The following USP53 variants were observed in gnomAD, a reference collection of about 807,000 sequenced individuals.
USP53 encodes the protein ubiquitin specific peptidase 53.
In USP53, 71 loss-of-function variants were observed where a neutral mutation model predicts 94.9. The observed-to-expected ratio is 0.75, with a 90% CI of 0.62 to 0.91. The LOEUF is 0.91. Among genes scored for constraint, USP53 ranks in the 40% least tolerant of loss-of-function variants. USP53 has a pLI of 0.00. For missense variants in USP53, 1,173 were observed against 1,281.0 expected, an observed-to-expected ratio of 0.92 and a Z score of 1.29; for synonymous variants, 375 against 422.7, an observed-to-expected ratio of 0.89 and a Z score of 1.39.
intron 17 of USP53, among the ~76,000 whole-genome samples, chr4:119,285,570 T>C (rs900144096): frequency 7.9e-5 from 12 of 151,988 alleles, no homozygotes; most frequent in African/African-American, 2.9e-4. Context: ...CTTGTACAAA[T>C]AGTCTGTACC....
At chr4:119,274,150 A>C (rs554767540) in intron 17 of USP53, among the ~76,000 whole-genome samples, 143 of 150,324 alleles carry the variant, frequency 9.5e-4, no homozygotes, top group African/African-American at 3.4e-3. Context: ...CACATTGTGC[A>C]GGTTAGTTAC....
chr4:119,274,188 G>A (rs867704310), intron 17 of USP53, among the ~76,000 whole-genome samples: 18 of 151,242 alleles, frequency 1.2e-4, no homozygotes, highest in African/African-American at 3.4e-4. Flanking sequence ...ATGCTGGTGC[G>A]CTGCACCACT....
chr4:119,272,168 T>C (rs1751957507), intron 16 of USP53, 134 bp downstream of exon 16: 2 of 879,384 alleles, frequency 2.3e-6, no homozygotes, highest in East Asian at 2.7e-5. Flanking sequence ...CTTTAAAAAG[T>C]TTGTTTCTTT....
chr4:119,274,383 T>C (rs1291122784), intron 17 of USP53, among the ~76,000 whole-genome samples: 2 of 151,970 alleles, frequency 1.3e-5, no homozygotes. Flanking sequence ...TTACTGAGAA[T>C]GATGATTTCC....
At chr4:119,264,432 A>G (rs1424358311) in intron 12 of USP53, among the ~76,000 whole-genome samples, 1 of 152,146 alleles carries the variant, frequency 6.6e-6, no homozygotes, top group East Asian at 1.9e-4. Context: ...AAAATGACAA[A>G]CCGTATACTG....
intron 13 of USP53, 23 bp from the exon 14 acceptor site, chr4:119,268,245 A>T (rs1751426377): frequency 6.3e-7 from 1 of 1,584,862 alleles, no homozygotes; most frequent in East Asian, 2.2e-5. Context: ...AAGGAATGAT[A>T]CATTTTTGCT....
At position 119,259,869 on chromosome 4, in the gene USP53, A is replaced by C. The variant is rs1381656815; in HGVS notation, c.619A>C (p.Met207Leu). The stretch of plus-strand genomic sequence containing the variant: ...AAGGCATGAACGCTTTAAACCTGAA[A>C]TGTTTGCAGAATTGCTACAAGCAGC... ...LERHERFKPEMFAELLQAANT... is the reference protein window; with the variant it reads ...LERHERFKPELFAELLQAANT... The change falls in exon 10 of 19, where the codon ATG (methionine) becomes CTG (leucine). Residue 207 changes from methionine (M) to leucine (L), a missense_variant. Met to Leu is a conservative substitution (Grantham distance 15, BLOSUM62 2). Coordinates refer to ENST00000692078, the MANE Select transcript of USP53 (RefSeq NM_001371395.1). 6.2e-7 allele frequency: 1 copy of C among 1,612,826 alleles called. No homozygotes were observed. Among genetic ancestry groups the C allele is most frequent in the East Asian group, 2.2e-5 (1 of 44,716 alleles).
At chr4:119,248,464 ATC>A (rs1422405986) in intron 6 of USP53, among the ~76,000 whole-genome samples, 1 of 149,186 alleles carries the variant, frequency 6.7e-6, no homozygotes. Context: ...CAGGTTGGGT[ATC>A]TCTTGTCTGA....
chr4:119,212,740 C>T lies in USP53; in HGVS notation c.-1075C>T. On this transcript the variant is annotated 5_prime_UTR_variant, in exon 1 of 19. Transcript: ENST00000692078. The stretch of plus-strand genomic sequence containing the variant: ...TTCCCGGTGAGCCTCGGTACTGTGG[C>T]AGCAGTCAGTGTGTCTGGCGGGTGT... 6.1e-6 allele frequency: 2 copies of T among 329,622 alleles called. No homozygotes were observed. Among genetic ancestry groups the T allele is most frequent in the South Asian group, 4.8e-5 (2 of 41,650 alleles). The allele number at this position is 329,622 out of a possible 1,614,324, so 20.4% of individuals were successfully genotyped here. A position where few individuals can be genotyped will look rare whatever the true frequency, so the allele number is the denominator to read the frequency against.
rs377551463 is a variant in USP53, at chr4:119,251,920, T to A, written c.372+3038T>A. 2.7e-4 allele frequency among the ~76,000 whole-genome samples: 41 copies of A among 152,322 alleles called. No homozygotes were observed. The East Asian group carries it at 5.8e-3, about 22-fold the overall frequency. On this transcript the variant is annotated intron_variant, in intron 7 of 18. Transcript: ENST00000692078. ...GAGATACATTCTATTGATACCTAGTTTATTGAGAGTTTTTAGCATGAAAGG... is the reference window on the plus strand; with the variant it reads ...GAGATACATTCTATTGATACCTAGTATATTGAGAGTTTTTAGCATGAAAGG...
intron 5 of USP53, among the ~76,000 whole-genome samples, chr4:119,244,643 T>A (rs1446824397): frequency 6.6e-6 from 1 of 152,192 alleles, no homozygotes; most frequent in Non-Finnish European, 1.5e-5. Context: ...GAATTCAGGT[T>A]TTTCAGAATG....
chr4:119,215,082 T>C (rs1743527354), intron 2 of USP53, among the ~76,000 whole-genome samples: 1 of 152,194 alleles, frequency 6.6e-6, no homozygotes, highest in African/African-American at 2.4e-5. Context: ...GTTTATATAT[T>C]GCATCTGGAA....
rs770795452 is a variant in USP53 at position 119,239,781 on chromosome 4, C to T, written c.22C>T (p.Arg8Trp). 17 of 1,611,102 alleles carry T rather than the reference C, an allele frequency of 1.1e-5. No homozygotes were observed. Among genetic ancestry groups the T allele is most frequent in the Middle Eastern group, 1.7e-4 (1 of 6,042 alleles). MAWVKFL[R>W]KPGGNLGKVY... ...GAAAATGGCATGGGTAAAATTCTTA[C>T]GGAAACCTGGTGGCAATCTTGGAAA... Residue 8 changes from arginine (R) to tryptophan (W), a missense_variant, in exon 5 of 19, where the codon CGG becomes TGG. Arg to Trp is a moderately radical substitution (Grantham distance 101). Coordinates refer to ENST00000692078, the MANE Select transcript of USP53 (RefSeq NM_001371395.1).
chr4:119,284,143 G>A (rs1753826342), intron 17 of USP53, among the ~76,000 whole-genome samples: 1 of 151,610 alleles, frequency 6.6e-6, no homozygotes, highest in African/African-American at 2.4e-5. Context: ...GCAGAATAAG[G>A]ATTAAAAAGT....
upstream of USP53, chr4:119,212,705 T>A (rs1743012984): frequency 2.9e-6 from 1 of 341,628 alleles, no homozygotes; most frequent in Non-Finnish European, 5.9e-6. Context: ...ACCAGCCGCC[T>A]GTGCTCCAGT....
chr4:119,274,548 A>C (rs1370846241), intron 17 of USP53, among the ~76,000 whole-genome samples: 1 of 152,076 alleles, frequency 6.6e-6, no homozygotes, highest in Non-Finnish European at 1.5e-5. Flanking sequence ...ATAATGCCGC[A>C]ATAAACATAC....
At chr4:119,231,073 A>G (rs747229802) in intron 3 of USP53, among the ~76,000 whole-genome samples, 2 of 152,216 alleles carry the variant, frequency 1.3e-5, no homozygotes, top group African/African-American at 2.4e-5. Flanking sequence ...AAGCAGTTAT[A>G]TAAAGTAGAT....
chr4:119,245,785 T>C (rs951290877), intron 6 of USP53, among the ~76,000 whole-genome samples: 11 of 152,200 alleles, frequency 7.2e-5, no homozygotes, highest in Admixed American at 1.3e-4. Context: ...TAAAAATCCC[T>C]CTTCTCATAG....
chr4:119,219,954 T>C (rs954031026), intron 3 of USP53: 7 of 152,210 alleles, frequency 4.6e-5, no homozygotes, highest in African/African-American at 1.7e-4. Context: ...TTCTGGTTCA[T>C]TTTAAAGTTC....
Sources: allele counts gnomAD v4.1 joint callset (sites outside exome capture counted in the v4.1 genomes callset), GRCh38; gene constraint gnomAD v4.1.1; transcripts MANE v1.5; gene names NCBI Gene and HGNC (gene_info 2026-07-23, HGNC 2026-07-21).